The following SERPINB9 variants were observed in gnomAD, a reference collection of about 807,000 sequenced individuals.
SERPINB9 encodes the protein serpin family B member 9.
SERPINB9 carries 20 observed loss-of-function variants against 27.2 expected under a neutral mutation model. That is an observed-to-expected ratio of 0.74 (90% CI 0.52 to 1.07). SERPINB9 has a LOEUF of 1.07. Ranked by LOEUF, SERPINB9 falls within the 50% of genes least tolerant of loss-of-function variation. The probability of loss-of-function intolerance (pLI) is 0.00; values close to 1 mark genes in which losing one functional copy is unlikely to be tolerated. For missense variants in SERPINB9, 476 were observed against 460.1 expected (o/e 1.03, Z -0.32); for synonymous variants, 189 against 180.0 (o/e 1.05, Z -0.40).
At chr6:2,901,956 C>CA (rs1462516777) in intron 1 of SERPINB9, among the ~76,000 whole-genome samples, 1 of 152,282 alleles carries the variant, frequency 6.6e-6, no homozygotes, top group East Asian at 1.9e-4. Context: ...CACAGCCACA[C>CA]GGCACCTCAG....
Position 2,887,508 on chromosome 6 carries a change from G to A in SERPINB9, c.*2655C>T, listed in dbSNP as rs945274952. The A allele has an allele frequency of 1.3e-5, 2 of 152,186 alleles. No homozygotes were observed. The highest frequency in any genetic ancestry group is 2.9e-5 in the Non-Finnish European group (2 of 68,018). The allele number at this position is 152,186 out of a possible 1,614,324, so 9.4% of individuals were successfully genotyped here. A position where few individuals can be genotyped will look rare whatever the true frequency, so the allele number is the denominator to read the frequency against. On this transcript the variant is annotated 3_prime_UTR_variant, in exon 7 of 7. Transcript: ENST00000380698. The stretch of plus-strand genomic sequence containing the variant: ...AATAAAAGAAATGCAATAAGTATCT[G>A]CATATGATACATAATGTTGCAGATG...
chr6:2,895,589 T>C, intron 3 of SERPINB9, 81 bp from the exon 4 acceptor site: 1 of 831,716 alleles, frequency 1.2e-6, no homozygotes, highest in Admixed American at 2.2e-5. Context: ...AAATATGTTA[T>C]CTTTTTTTAA....
In SERPINB9 at chr6:2,887,505, T is replaced by G. The variant is rs1767637868; in HGVS notation, c.*2658A>C. On this transcript the variant is annotated 3_prime_UTR_variant, in exon 7 of 7. Transcript: ENST00000380698. ...ACTAATAAAAGAAATGCAATAAGTA[T>G]CTGCATATGATACATAATGTTGCAG... is the stretch of plus-strand genomic sequence containing the variant. 6.6e-6 allele frequency: 1 copy of G among 152,202 alleles called. No homozygotes were observed. The highest frequency in any genetic ancestry group is 1.5e-5 in the Non-Finnish European group (1 of 68,022). The allele number at this position is 152,202 out of a possible 1,614,324, so 9.4% of individuals were successfully genotyped here. A position where few individuals can be genotyped will look rare whatever the true frequency, so the allele number is the denominator to read the frequency against.
In SERPINB9 at chr6:2,895,528, C is replaced by A; in HGVS notation, c.307-20G>T. ...AAACGTCTTTGGAGAGAAAAATGTT[C>A]AGTGAGGCTGCATTGCTAAATACAA... On this transcript the variant is annotated intron_variant, in intron 3 of 6. Transcript: ENST00000380698. 1.3e-6 allele frequency: 2 copies of A among 1,509,170 alleles called. No homozygotes were observed. Among genetic ancestry groups the A allele is most frequent in the South Asian group, 2.3e-5 (2 of 88,046 alleles). The allele number at this position is 1,509,170 out of a possible 1,614,324, so 93.5% of individuals were successfully genotyped here. A position where few individuals can be genotyped will look rare whatever the true frequency, so the allele number is the denominator to read the frequency against.
chr6:2,899,849 C>T (rs1768134702), intron 2 of SERPINB9: 1 of 438,894 alleles, frequency 2.3e-6, no homozygotes, highest in African/African-American at 2.0e-5. Flanking sequence ...TTTCATCTCA[C>T]GTGTATGTCT....
rs1236072720 is a variant in SERPINB9 at position 2,894,649 on chromosome 6, T to C, written c.424+742A>G. ...CAAGATCTGTCCACCAATCTCCTTC[T>C]CGCAGAGACAATGGAGTCACCTGAC... On this transcript the variant is annotated intron_variant, in intron 4 of 6. Coordinates refer to ENST00000380698, the MANE Select transcript of SERPINB9 (RefSeq NM_004155.6). This position sits in a 1 kb window ranked among gnomAD's most constrained non-coding sequence, Gnocchi z 4.7. Among the ~76,000 whole-genome samples the C allele has an allele frequency of 1.3e-5, 2 of 152,226 alleles. No homozygotes were observed. The highest frequency in any genetic ancestry group is 1.3e-4 in the Admixed American group (2 of 15,288).
In SERPINB9 at chr6:2,900,885, T is replaced by TCACACACACACACACACACACACACA. The variant is rs5742054; in HGVS notation, c.-10-290_-10-265dup. On this transcript the variant is annotated intron_variant, in intron 1 of 6. Transcript: ENST00000380698. ...TGGCTCGCCTGCAGAGCTCGCTCTC[T>TCACACACACACACACACACACACACA]CACACACACACACACACACACACAC... is the stretch of plus-strand genomic sequence containing the variant. Among the ~76,000 whole-genome samples, 138 of 141,570 alleles carry TCACACACACACACACACACACACACA rather than the reference T, an allele frequency of 9.7e-4. 1 individual carries two copies. The highest frequency in any genetic ancestry group is 3.0e-3 in the African/African-American group (109 of 35,840). The allele number at this position is 141,570 out of a possible 152,430, so 92.9% of individuals were successfully genotyped here. A position where few individuals can be genotyped will look rare whatever the true frequency, so the allele number is the denominator to read the frequency against.
intron 5 of SERPINB9, 65 bp from the exon 6 acceptor site, chr6:2,892,053 G>T: frequency 7.5e-7 from 1 of 1,334,582 alleles, no homozygotes; most frequent in Non-Finnish European, 1.0e-6. Context: ...GCCTCCAAGA[G>T]TGTTTTCAGC....
chr6:2,893,565 A>G lies in SERPINB9; in HGVS notation c.425-12T>C. 1.2e-6 allele frequency: 2 copies of G among 1,611,016 alleles called. No individual in the cohort carries two copies. The highest frequency in any genetic ancestry group is 1.7e-4 in the Middle Eastern group (1 of 6,056). On this transcript the variant is annotated splice_polypyrimidine_tract_variant and intron_variant, in intron 4 of 6. Transcript: ENST00000380698. ...CTCTTCAATTTTACCTTTCAAGAAA[A>G]GTAGAGACTACATTCAGTTGCTTTT...
At position 2,891,487 on chromosome 6, in the gene SERPINB9, C is replaced by T. The variant is rs530649131; in HGVS notation, c.723+346G>A. Among the ~76,000 whole-genome samples, 1 of 152,062 alleles carries T rather than the reference C, an allele frequency of 6.6e-6. No homozygotes were observed. The highest frequency in any genetic ancestry group is 1.5e-5 in the Non-Finnish European group (1 of 68,010). ...CATCATAACTCTAGGAGGCAATAAC[C>T]CCGAGCAGTCATTTATGCTTTTAGA... On this transcript the variant is annotated intron_variant, in intron 6 of 6. Transcript: ENST00000380698. This position sits in a 1 kb window ranked among gnomAD's most constrained non-coding sequence, Gnocchi z 4.0.
At chr6:2,899,186 T>C (rs1581200370) in intron 2 of SERPINB9, among the ~76,000 whole-genome samples, 1 of 152,100 alleles carries the variant, frequency 6.6e-6, no homozygotes, top group Non-Finnish European at 1.5e-5. Context: ...GCCTAAAACA[T>C]AGAAAAAGAT....
intron 2 of SERPINB9, among the ~76,000 whole-genome samples, chr6:2,896,495 A>G (rs1768003998): frequency 6.6e-6 from 1 of 152,262 alleles, no homozygotes; most frequent in Admixed American, 6.5e-5. Flanking sequence ...GAAAAAATGC[A>G]TGGAAAAATA....
intron 2 of SERPINB9, among the ~76,000 whole-genome samples, chr6:2,898,406 C>T (rs1038906964): frequency 6.6e-6 from 1 of 152,228 alleles, no homozygotes; most frequent in African/African-American, 2.4e-5. Context: ...TCATAGCCAA[C>T]ACATGTTGAG....
rs980159549 is a variant in SERPINB9, at chr6:2,891,087, T to C, written c.724-517A>G. On this transcript the variant is annotated intron_variant, in intron 6 of 6. Transcript: ENST00000380698. The surrounding 1 kb of genome is among the most constrained non-coding windows in gnomAD (Gnocchi z 4.0). The stretch of plus-strand genomic sequence containing the variant: ...TTTCCGGAGCATAGTTTCAGGAAGG[T>C]GGGCAGAGGGAGAGCCAATGGCTGC... Among the ~76,000 whole-genome samples the C allele has an allele frequency of 3.3e-5, 5 of 152,148 alleles. No homozygotes were observed. The highest frequency in any genetic ancestry group is 2.6e-4 in the Admixed American group (4 of 15,282).
At chr6:2,893,071 T>C (rs1581194400) in intron 5 of SERPINB9, among the ~76,000 whole-genome samples, 1 of 122,962 alleles carries the variant, frequency 8.1e-6, no homozygotes, top group South Asian at 2.6e-4. Context: ...TTTTTTTTTT[T>C]GCTTTCTAGC....
At chr6:2,892,061 A>G in intron 5 of SERPINB9, 73 bp from the exon 6 acceptor site, 1 of 1,330,408 alleles carries the variant, frequency 7.5e-7, no homozygotes, top group Non-Finnish European at 1.0e-6. Flanking sequence ...GAGTGTTTTC[A>G]GCACCTGTGA....
chr6:2,892,391 A>T (rs1163469183), intron 5 of SERPINB9, among the ~76,000 whole-genome samples: 1 of 152,194 alleles, frequency 6.6e-6, no homozygotes, highest in East Asian at 1.9e-4. Context: ...TGAGAAAAAA[A>T]ATCATAAAGT....
At chr6:2,893,967 G>C (rs1158382356) in intron 4 of SERPINB9, among the ~76,000 whole-genome samples, 3 of 152,100 alleles carry the variant, frequency 2.0e-5, no homozygotes, top group Non-Finnish European at 4.4e-5. Flanking sequence ...CAACCAGAAT[G>C]GACGGCTCAA....
At chr6:2,901,129 A>G (rs1768186917) in intron 1 of SERPINB9, among the ~76,000 whole-genome samples, 1 of 152,214 alleles carries the variant, frequency 6.6e-6, no homozygotes, top group Non-Finnish European at 1.5e-5. Context: ...TGACCCAGAG[A>G]CAGACAGCTG....
Sources: allele counts gnomAD v4.1 joint callset (sites outside exome capture counted in the v4.1 genomes callset), GRCh38; gene constraint gnomAD v4.1.1; non-coding constraint Gnocchi (gnomAD v3.1); transcripts MANE v1.5; gene names NCBI Gene and HGNC (gene_info 2026-07-23, HGNC 2026-07-21).